Variants in SIPA1L2 observed in about 807,000 individuals in gnomAD.
SIPA1L2 encodes signal-induced proliferation-associated 1-like protein 2.
In SIPA1L2, 56 loss-of-function variants were observed where a neutral mutation model predicts 163.9. The observed-to-expected ratio is 0.34, with a 90% confidence interval of 0.28 to 0.43. SIPA1L2 has a LOEUF of 0.43. Ranked by LOEUF, SIPA1L2 falls within the 20% of genes least tolerant of loss-of-function variation. The pLI, the probability that SIPA1L2 is intolerant of heterozygous loss-of-function variation, is 1.00. For synonymous variants in SIPA1L2, 877 were observed against 865.7 expected (o/e 1.01, Z -0.23); for missense variants, 1,974 against 2,193.5 (o/e 0.90, Z 2.00).
At chr1:232,440,037 C>A (rs1430788153) in intron 14 of SIPA1L2, among the ~76,000 whole-genome samples, 1 of 152,180 alleles carries the variant, frequency 6.6e-6, no homozygotes, top group Non-Finnish European at 1.5e-5. Context: ...AACCACTTGG[C>A]TGCTGCAAAG....
chr1:232,559,794 A>G (rs943370322), intron 2 of SIPA1L2, among the ~76,000 whole-genome samples: 1 of 152,242 alleles, frequency 6.6e-6, no homozygotes, highest in East Asian at 1.9e-4. Context: ...GGTTCAAAAT[A>G]TAAGTAAATG....
At chr1:232,606,390 T>G (rs1362375964) in intron 1 of SIPA1L2, among the ~76,000 whole-genome samples, 2 of 152,142 alleles carry the variant, frequency 1.3e-5, no homozygotes, top group African/African-American at 4.8e-5. Flanking sequence ...GCAATTATAC[T>G]GCTAAAAAGA....
intron 1 of SIPA1L2, among the ~76,000 whole-genome samples, chr1:232,585,184 T>C (rs950224471): frequency 2.0e-5 from 3 of 152,260 alleles, no homozygotes; most frequent in African/African-American, 7.2e-5. Flanking sequence ...AATCTTTACC[T>C]ATCCATTTGG....
chr1:232,565,914 T>G (rs1265993333), intron 2 of SIPA1L2, among the ~76,000 whole-genome samples: 1 of 152,224 alleles, frequency 6.6e-6, no homozygotes, highest in Non-Finnish European at 1.5e-5. Context: ...TAGTATACAC[T>G]GTCAGGGTTA....
intron 1 of SIPA1L2, among the ~76,000 whole-genome samples, chr1:232,576,270 T>C (rs1660072169): frequency 6.6e-6 from 1 of 152,240 alleles, no homozygotes. Flanking sequence ...GCACCATTTT[T>C]TAAGTGCTCA....
intron 15 of SIPA1L2, among the ~76,000 whole-genome samples, chr1:232,435,957 T>C (rs1662535732): frequency 6.6e-6 from 1 of 152,112 alleles, no homozygotes; most frequent in South Asian, 2.1e-4. Flanking sequence ...CCCGGGTGGC[T>C]GCCAAGGAAT....
chr1:232,448,717 G>C (rs983652441), intron 10 of SIPA1L2, among the ~76,000 whole-genome samples: 1 of 152,220 alleles, frequency 6.6e-6, no homozygotes, highest in African/African-American at 2.4e-5. Flanking sequence ...TGCAGGGACG[G>C]TAAGCACCAA....
At chr1:232,455,714 C>CAAAAAAAAAAA (rs1359853284) in intron 10 of SIPA1L2, among the ~76,000 whole-genome samples, 20 of 82,736 alleles carry the variant, frequency 2.4e-4, no homozygotes, top group African/African-American at 8.7e-4. Flanking sequence ...GACTCTGTCT[C>CAAAAAAAAAAA]AAAAAAAAAA....
chr1:232,491,029 C>T lies in SIPA1L2; in HGVS notation c.1651G>A (p.Ala551Thr). Residue 551 changes from alanine (A) to threonine (T), a missense_variant, in exon 5 of 23, where the codon GCT becomes ACT. Physicochemically the swap from Ala to Thr is moderately conservative, Grantham distance 58 (BLOSUM62 0). This residue lies in a region of SIPA1L2 where 288 missense variants were observed against 418.9 expected (regional missense o/e 0.69). Coordinates refer to ENST00000674635, the MANE Select transcript of SIPA1L2 (RefSeq NM_020808.5). ...TTLRGAILED[A>T]IPSTARHGTA... Reference sequence around the variant, plus strand: ...CCATGCCTAGCAGTAGAGGGTATAGCATCTTCTAAAATTGCTCCTCTCAGT... The same window carrying T: ...CCATGCCTAGCAGTAGAGGGTATAGTATCTTCTAAAATTGCTCCTCTCAGT... The T allele has an allele frequency of 6.2e-7, 1 of 1,613,822 alleles. No homozygotes were observed. The highest frequency in any genetic ancestry group is 8.5e-7 in the Non-Finnish European group (1 of 1,179,876).
intron 1 of SIPA1L2, among the ~76,000 whole-genome samples, chr1:232,593,724 C>G (rs993690303): frequency 6.6e-6 from 1 of 152,016 alleles, no homozygotes; most frequent in Admixed American, 6.5e-5. Context: ...GTAACACACA[C>G]GCACACACAA....
intron 10 of SIPA1L2, among the ~76,000 whole-genome samples, chr1:232,459,945 CAG>C (rs1047664272): frequency 6.2e-4 from 94 of 152,298 alleles, no homozygotes; most frequent in African/African-American, 2.3e-3. Flanking sequence ...TCCCATCTTA[CAG>C]AGAGTAAGTG....
In SIPA1L2 at chr1:232,515,315, C is replaced by T; in HGVS notation, c.25G>A (p.Glu9Lys). 1 of 1,604,972 alleles carries T rather than the reference C, an allele frequency of 6.2e-7. No homozygotes were observed. The highest frequency in any genetic ancestry group is 8.5e-7 in the Non-Finnish European group (1 of 1,174,906). MSDPRQSQ[E>K]EKHKLGRASS... ...GCTCTGCCTAGCTTGTGCTTCTCTT[C>T]TTGTGACTGCCTTGGGTCACTCATG... The change falls in exon 3 of 23, where the codon GAA becomes AAA. Residue 9 changes from glutamate to lysine, a missense_variant. By Grantham distance (56) the Glu-to-Lys change is moderately conservative (BLOSUM62 1). Around this residue, in one of 3 missense-constraint regions of SIPA1L2, gnomAD observed 607 missense variants for 624.0 expected, o/e 0.97. Transcript: ENST00000674635.
chr1:232,501,816 C>G (rs1002758238), intron 3 of SIPA1L2, among the ~76,000 whole-genome samples: 2 of 152,200 alleles, frequency 1.3e-5, no homozygotes, highest in South Asian at 2.1e-4. Context: ...TGGCCTCTAC[C>G]CTCTTCCCGT....
chr1:232,617,511 T>A (rs1318018069), intron 1 of SIPA1L2, among the ~76,000 whole-genome samples: 2 of 152,212 alleles, frequency 1.3e-5, no homozygotes, highest in Admixed American at 1.3e-4. Context: ...TGTGGTCATA[T>A]AAAGTATACA....
intron 1 of SIPA1L2, among the ~76,000 whole-genome samples, chr1:232,619,977 C>A (rs574613127): frequency 3.9e-5 from 6 of 152,162 alleles, no homozygotes; most frequent in Admixed American, 6.5e-5. Flanking sequence ...CTCCGCCTCC[C>A]GAGTTCAAGC....
chr1:232,514,507 A>C lies in SIPA1L2; in HGVS notation c.833T>G (p.Phe278Cys), dbSNP rs756271190. ...LLMGRDRDKPFKRRLKSESVE... is the reference protein window; with the variant it reads ...LLMGRDRDKPCKRRLKSESVE... ...CGACTCTGATTTCAACCTCCGTTTG[A>C]AAGGCTTGTCCCTGTCTCTCCCCAT... The change falls in exon 3 of 23, where the codon TTC (phenylalanine) becomes TGC (cysteine). Residue 278 changes from phenylalanine to cysteine, a missense_variant. Around this residue, in one of 3 missense-constraint regions of SIPA1L2, gnomAD observed 607 missense variants for 624.0 expected, o/e 0.97. Coordinates refer to ENST00000674635, the MANE Select transcript of SIPA1L2 (RefSeq NM_020808.5). 3.1e-6 allele frequency: 5 copies of C among 1,614,198 alleles called. No homozygotes were observed. Among genetic ancestry groups the C allele is most frequent in the Admixed American group, 1.7e-5 (1 of 60,034 alleles).
At position 232,403,453 on chromosome 1, in the gene SIPA1L2, T is replaced by C. The variant is rs1176702707; in HGVS notation, c.4935A>G (p.Thr1645=). The C allele has an allele frequency of 5.6e-6, 9 of 1,613,218 alleles. No homozygotes were observed. Among genetic ancestry groups the C allele is most frequent in the Non-Finnish European group, 7.6e-6 (9 of 1,179,656 alleles). ...GTCCACAGGGGCTCACATACCCAGT[T>C]GTGTCCATGAACTCTTTGCCACTGC... ...DPGSGKEFMD[T]TGERSPSPLT... Residue 1645 remains threonine (T), a synonymous_variant, in exon 21 of 23, where the codon ACA becomes ACG. Coordinates refer to ENST00000674635, the MANE Select transcript of SIPA1L2 (RefSeq NM_020808.5).
chr1:232,408,300 T>TG (rs902990555), intron 19 of SIPA1L2, among the ~76,000 whole-genome samples: 3 of 152,062 alleles, frequency 2.0e-5, no homozygotes, highest in African/African-American at 7.2e-5. Context: ...TTTTTTTTTT[T>TG]TAAACTGTTT....
intron 3 of SIPA1L2, among the ~76,000 whole-genome samples, chr1:232,513,096 G>A (rs1020992079): frequency 3.3e-5 from 5 of 152,222 alleles, no homozygotes; most frequent in African/African-American, 9.6e-5. Context: ...TGTTTTCCTC[G>A]GCATGTGTTA....
Sources: allele counts gnomAD v4.1 joint callset (sites outside exome capture counted in the v4.1 genomes callset), GRCh38; gene constraint gnomAD v4.1.1; regional missense constraint gnomAD v4.1.1; transcripts MANE v1.5; gene names NCBI Gene and HGNC (gene_info 2026-07-23, HGNC 2026-07-21).